Variants in SPATA17 observed in about 807,000 individuals in gnomAD.
SPATA17 encodes spermatogenesis-associated protein 17.
A neutral mutation model predicts 62.2 loss-of-function variants in SPATA17; 53 were observed. That is an observed-to-expected ratio of 0.85 (90% CI 0.68 to 1.07). The LOEUF is 1.07. Ranked by LOEUF, SPATA17 falls within the 50% of genes least tolerant of loss-of-function variation. SPATA17 has a pLI of 0.00. For synonymous variants in SPATA17, 146 were observed against 146.8 expected (o/e 0.99, Z 0.04); for missense variants, 466 against 425.5 (o/e 1.10, Z -0.84).
intron 5 of SPATA17, among the ~76,000 whole-genome samples, chr1:217,686,457 T>C (rs1373092743): frequency 6.6e-6 from 1 of 152,152 alleles, no homozygotes; most frequent in Non-Finnish European, 1.5e-5. Flanking sequence ...TTAATTTGCT[T>C]ATTTAAATAC....
At chr1:217,827,986 G>A (rs933005106) in intron 9 of SPATA17, among the ~76,000 whole-genome samples, 16 of 152,048 alleles carry the variant, frequency 1.1e-4, no homozygotes, top group African/African-American at 3.4e-4. Flanking sequence ...CAGGGCACAC[G>A]TTTACCTATG....
intron 9 of SPATA17, among the ~76,000 whole-genome samples, chr1:217,855,515 A>C (rs1675760548): frequency 6.6e-6 from 1 of 152,172 alleles, no homozygotes; most frequent in South Asian, 2.1e-4. Context: ...ATCTGTTTCT[A>C]TAATTAAATC....
intron 4 of SPATA17, among the ~76,000 whole-genome samples, chr1:217,673,351 A>C (rs573421590): frequency 6.6e-6 from 1 of 152,202 alleles, no homozygotes; most frequent in African/African-American, 2.4e-5. Context: ...AGTGACAGTC[A>C]ATTAATATAG....
At chr1:217,780,801 T>A (rs1288931674) in intron 7 of SPATA17, among the ~76,000 whole-genome samples, 1 of 152,212 alleles carries the variant, frequency 6.6e-6, no homozygotes, top group African/African-American at 2.4e-5. Context: ...TGTCACATTA[T>A]CGTACACATC....
intron 3 of SPATA17, among the ~76,000 whole-genome samples, chr1:217,664,467 G>A (rs950956679): frequency 3.3e-5 from 5 of 151,652 alleles, no homozygotes; most frequent in African/African-American, 1.2e-4. Context: ...TTTGTTTTTT[G>A]TATTTTTAGT....
At chr1:217,789,751 A>G (rs1197949519) in intron 8 of SPATA17, among the ~76,000 whole-genome samples, 1 of 152,160 alleles carries the variant, frequency 6.6e-6, no homozygotes, top group Non-Finnish European at 1.5e-5. Context: ...ATTTGGGATC[A>G]TGGCTGGGTG....
chr1:217,833,607 G>T (rs1675196330), intron 9 of SPATA17, among the ~76,000 whole-genome samples: 1 of 152,048 alleles, frequency 6.6e-6, no homozygotes, highest in Non-Finnish European at 1.5e-5. Context: ...CTTTAGTTCT[G>T]GTACTTATTT....
At chr1:217,803,722 A>G (rs573572467) in intron 9 of SPATA17, among the ~76,000 whole-genome samples, 2 of 152,304 alleles carry the variant, frequency 1.3e-5, no homozygotes, top group South Asian at 4.1e-4. Context: ...ACAGAAATAG[A>G]AAAAATAATC....
chr1:217,752,712 T>C (rs148227452), intron 6 of SPATA17, among the ~76,000 whole-genome samples: 4 of 152,264 alleles, frequency 2.6e-5, no homozygotes, highest in Non-Finnish European at 4.4e-5. Flanking sequence ...CATCTGAAAG[T>C]TGGAAAAATT....
intron 9 of SPATA17, among the ~76,000 whole-genome samples, chr1:217,836,563 C>T (rs2221751): frequency 0.29 from 43,853 of 151,930 alleles, 6,867 homozygotes; most frequent in African/African-American, 0.4. Context: ...GTACTATGTC[C>T]ACTGTACTCT....
chr1:217,706,722 C>T (rs377047200), intron 5 of SPATA17, among the ~76,000 whole-genome samples: 6 of 152,212 alleles, frequency 3.9e-5, no homozygotes, highest in African/African-American at 1.2e-4. Flanking sequence ...ATACACTATC[C>T]GTGAGCATGG....
At position 217,782,278 on chromosome 1, in the gene SPATA17, G is replaced by A; in HGVS notation, c.828G>A (p.Glu276=). The A allele has an allele frequency of 6.2e-7, 1 of 1,612,226 alleles. No homozygotes were observed. The highest frequency in any genetic ancestry group is 8.5e-7 in the Non-Finnish European group (1 of 1,178,904). ...TCGATGAGTTAAAGTTGGCCAGAGA[G>A]GAGCTCAGAAGAGAGGAATGGCTGC... ...EPIDELKLAR[E]ELRREEWLQN... Residue 276 remains glutamate, a synonymous_variant, in exon 8 of 11, where the codon GAG becomes GAA. Transcript: ENST00000366933.
At chr1:217,748,630 A>G (rs1201882449) in intron 6 of SPATA17, among the ~76,000 whole-genome samples, 1 of 150,630 alleles carries the variant, frequency 6.6e-6, no homozygotes, top group Non-Finnish European at 1.5e-5. Flanking sequence ...CTGTAATCCC[A>G]TCTACTCGGA....
chr1:217,648,819 G>T (rs1460916812), intron 1 of SPATA17, 63 bp from the exon 2 acceptor site: 2 of 965,046 alleles, frequency 2.1e-6, no homozygotes, highest in African/African-American at 1.7e-5. Flanking sequence ...AAGTTTAACA[G>T]GTTGACTTGC....
chr1:217,663,681 G>A (rs556377327), intron 3 of SPATA17, among the ~76,000 whole-genome samples: 29 of 152,028 alleles, frequency 1.9e-4, no homozygotes, highest in Admixed American at 2.0e-4. Flanking sequence ...TCACTTTAAT[G>A]CATATATTTC....
chr1:217,792,695 T>C (rs1245224395), intron 8 of SPATA17, among the ~76,000 whole-genome samples: 1 of 152,014 alleles, frequency 6.6e-6, no homozygotes, highest in Non-Finnish European at 1.5e-5. Flanking sequence ...AGACAATAAA[T>C]AAGGGTTAAG....
At chr1:217,833,086 G>A (rs1675182065) in intron 9 of SPATA17, among the ~76,000 whole-genome samples, 2 of 151,992 alleles carry the variant, frequency 1.3e-5, no homozygotes, top group Non-Finnish European at 2.9e-5. Flanking sequence ...TTAAATTTCT[G>A]TAGATAATAA....
intron 5 of SPATA17, among the ~76,000 whole-genome samples, chr1:217,691,807 G>A (rs1671359738): frequency 3.9e-5 from 1 of 25,906 alleles, no homozygotes; most frequent in Non-Finnish European, 7.0e-5. Context: ...TTGTAGGTAT[G>A]CGGCGTTATT....
chr1:217,795,521 C>T (rs1255484427), intron 8 of SPATA17, among the ~76,000 whole-genome samples: 1 of 151,726 alleles, frequency 6.6e-6, no homozygotes, highest in African/African-American at 2.4e-5. Context: ...ATGTGCCCAC[C>T]ACTACACCTG....
Sources: gnomAD v4.1 joint callset for allele counts (sites outside exome capture counted in the v4.1 genomes callset) on GRCh38, gnomAD v4.1.1 for gene constraint, MANE v1.5 for transcripts, NCBI Gene and HGNC (gene_info 2026-07-23, HGNC 2026-07-21) for gene names.